Variants in KANSL2 observed in about 807,000 individuals in gnomAD.
KANSL2 encodes KAT8 regulatory NSL complex subunit 2.
Under a neutral mutation model 55.6 loss-of-function variants are expected in KANSL2, and 34 were observed. The ratio of observed to expected loss-of-function variants is 0.61; its 90% CI spans 0.46 to 0.81. The LOEUF is 0.81. Among genes scored for constraint, KANSL2 ranks in the 40% least tolerant of loss-of-function variants. The pLI, the probability that KANSL2 is intolerant of heterozygous loss-of-function variation, is 0.00. For missense variants in KANSL2, 502 were observed against 609.9 expected, an observed-to-expected ratio of 0.82 and a Z score of 1.86; for synonymous variants, 209 against 214.3, an observed-to-expected ratio of 0.98 and a Z score of 0.22.
At chr12:48,663,940 C>CA (rs1480363593) in intron 7 of KANSL2, among the ~76,000 whole-genome samples, 2 of 110,438 alleles carry the variant, frequency 1.8e-5, no homozygotes, top group South Asian at 3.1e-4. Context: ...TTTTTTGAGA[C>CA]AGAGTCTCAC....
Position 48,681,931 on chromosome 12 carries a change from G to C in KANSL2, c.-10+256C>G, listed in dbSNP as rs564347079. ...GCGACAACACCAGCCCCACGCGGCG[G>C]CCACGCCGCCTCCCCGCACGCCGCC... On this transcript the variant is annotated intron_variant, in intron 1 of 9. Coordinates refer to ENST00000420613, the MANE Select transcript of KANSL2 (RefSeq NM_017822.4). 4 of 703,196 alleles carry C rather than the reference G, an allele frequency of 5.7e-6. No individual in the cohort carries two copies. The South Asian group carries it at 5.9e-5, about 10-fold the overall frequency. 43.6% of individuals were successfully genotyped at this position (703,196 alleles called of 1,614,324 possible).
intron 7 of KANSL2, among the ~76,000 whole-genome samples, chr12:48,665,786 T>C (rs771820876): frequency 4.6e-5 from 7 of 152,174 alleles, no homozygotes; most frequent in Non-Finnish European, 5.9e-5. Context: ...AGAGACATTA[T>C]GATGGTTCAA....
intron 6 of KANSL2, among the ~76,000 whole-genome samples, chr12:48,668,752 G>A (rs1319731930): frequency 6.6e-6 from 1 of 152,122 alleles, no homozygotes; most frequent in South Asian, 2.1e-4. Context: ...TGTAAATAAA[G>A]TGAACATGAA....
intron 9 of KANSL2, 149 bp downstream of exon 9, chr12:48,654,792 G>C (rs1224652109): frequency 2.6e-6 from 2 of 783,494 alleles, no homozygotes; most frequent in Non-Finnish European, 4.1e-6. Flanking sequence ...TTGCTTATAT[G>C]GTATTCAATA....
chr12:48,659,112 G>A (rs1379540003), intron 8 of KANSL2, among the ~76,000 whole-genome samples: 3 of 151,934 alleles, frequency 2.0e-5, no homozygotes, highest in Non-Finnish European at 4.4e-5. Flanking sequence ...TGGCCAACAT[G>A]GTGAAACCCT....
chr12:48,655,754 A>C (rs560259459), intron 8 of KANSL2, among the ~76,000 whole-genome samples: 15 of 152,270 alleles, frequency 9.9e-5, no homozygotes, highest in African/African-American at 3.6e-4. Flanking sequence ...TGTTCATAAC[A>C]CCACTGACTT....
At chr12:48,670,786 A>T (rs979116267) in intron 5 of KANSL2, among the ~76,000 whole-genome samples, 1 of 151,980 alleles carries the variant, frequency 6.6e-6, no homozygotes, top group African/African-American at 2.4e-5. Context: ...CCTGGGCAAC[A>T]TAGCGAGACC....
intron 8 of KANSL2, 50 bp downstream of exon 8, chr12:48,660,316 T>G: frequency 6.3e-7 from 1 of 1,598,560 alleles, no homozygotes; most frequent in Non-Finnish European, 8.5e-7. Flanking sequence ...CATTAATAAA[T>G]AAGGCTTTGT....
At chr12:48,656,711 G>A (rs1439351631) in intron 8 of KANSL2, 3 of 518,714 alleles carry the variant, frequency 5.8e-6, no homozygotes, top group Non-Finnish European at 1.2e-5. Flanking sequence ...CAGACCACAA[G>A]GAAGACATCA....
At chr12:48,668,031 C>T (rs1362668000) in intron 6 of KANSL2, among the ~76,000 whole-genome samples, 1 of 152,202 alleles carries the variant, frequency 6.6e-6, no homozygotes, top group Non-Finnish European at 1.5e-5. Context: ...CTATTTAACA[C>T]AAATTTTGTC....
At chr12:48,674,307 A>C (rs965365192) in intron 4 of KANSL2, among the ~76,000 whole-genome samples, 1 of 151,812 alleles carries the variant, frequency 6.6e-6, no homozygotes, top group African/African-American at 2.4e-5. Flanking sequence ...CACCTGGCTA[A>C]TTTTTTTATT....
At chr12:48,662,266 G>C (rs921004769) in intron 7 of KANSL2, among the ~76,000 whole-genome samples, 1 of 152,068 alleles carries the variant, frequency 6.6e-6, no homozygotes, top group Non-Finnish European at 1.5e-5. Context: ...CATCACACCC[G>C]GCTGATTTTT....
In KANSL2 at chr12:48,671,939, T is replaced by A; in HGVS notation, c.569A>T (p.Glu190Val). Residue 190 changes from glutamate (E) to valine (V), a missense_variant, in exon 5 of 10, where the codon GAA (glutamate) becomes GTA (valine). By Grantham distance (121) the Glu-to-Val change is moderately radical. Transcript: ENST00000420613. ...PLKHAGVYTA[E>V]EVALIMREKL... ...TTCACGCATAATCAGGGCCACTTCT[T>A]CTGCTGTGTAGACACCAGCATGTCT... 6.2e-7 allele frequency: 1 copy of A among 1,607,244 alleles called. No individual in the cohort carries two copies. Among genetic ancestry groups the A allele is most frequent in the Non-Finnish European group, 8.5e-7 (1 of 1,175,244 alleles).
At chr12:48,670,252 G>A (rs903780655) in intron 5 of KANSL2, among the ~76,000 whole-genome samples, 10 of 148,774 alleles carry the variant, frequency 6.7e-5, no homozygotes, top group Middle Eastern at 3.5e-3. Context: ...CCTAATACTC[G>A]ATAATAAACA....
Position 48,671,883 on chromosome 12 carries a change from C to T in KANSL2, c.625G>A (p.Asp209Asn). The T allele has an allele frequency of 1.2e-6, 2 of 1,612,084 alleles. No homozygotes were observed. Among genetic ancestry groups the T allele is most frequent in the Non-Finnish European group, 1.7e-6 (2 of 1,178,714 alleles). The change falls in exon 5 of 10, where the codon GAT (aspartate) becomes AAT (asparagine). Residue 209 changes from aspartate to asparagine, a missense_variant. Physicochemically the swap from Asp to Asn is conservative, Grantham distance 23 (BLOSUM62 1). Transcript: ENST00000420613. ...KLIRLQSLYI[D>N]QFKRLQHLLK... ...AGATGCTGAAGTCGTTTAAACTGAT[C>T]AATATACAACGACTGCAAACGAATT...
chr12:48,663,389 T>G (rs1939524151), intron 7 of KANSL2, among the ~76,000 whole-genome samples: 1 of 152,224 alleles, frequency 6.6e-6, no homozygotes, highest in African/African-American at 2.4e-5. Context: ...TTGTATATTT[T>G]AAATTTTATT....
intron 4 of KANSL2, among the ~76,000 whole-genome samples, chr12:48,678,254 C>T (rs1265053588): frequency 6.6e-6 from 1 of 152,100 alleles, no homozygotes; most frequent in Non-Finnish European, 1.5e-5. Context: ...ACACCCAGAC[C>T]TTGAGACACA....
chr12:48,661,662 A>T (rs1329949928), intron 7 of KANSL2, among the ~76,000 whole-genome samples: 1 of 152,216 alleles, frequency 6.6e-6, no homozygotes, highest in Non-Finnish European at 1.5e-5. Context: ...TATAATTTTT[A>T]AAACCATATG....
Position 48,679,734 on chromosome 12 carries a change from G to A in KANSL2, c.351C>T (p.Cys117=). ...NPGPVGETLL[C]QLSSYAKTEL... is the part of the protein sequence containing the mutation. ...CTGTCTTAGCATATGAGCTCAGCTG[G>A]CACAGGAGTGTTTCACCCACAGGCC... The change falls in exon 3 of 10, where the codon TGC becomes TGT. Residue 117 remains cysteine, a synonymous_variant. Transcript: ENST00000420613. 2 of 1,612,000 alleles carry A rather than the reference G, an allele frequency of 1.2e-6. No homozygotes were observed. The highest frequency in any genetic ancestry group is 1.7e-6 in the Non-Finnish European group (2 of 1,179,056).
Sources: allele counts gnomAD v4.1 joint callset (sites outside exome capture counted in the v4.1 genomes callset), GRCh38; gene constraint gnomAD v4.1.1; transcripts MANE v1.5; gene names NCBI Gene and HGNC (gene_info 2026-07-23, HGNC 2026-07-21).